The following MACROD2 variants were observed in gnomAD, a reference collection of about 807,000 sequenced individuals.
MACROD2 encodes ADP-ribose glycohydrolase MACROD2.
Under a neutral mutation model 70.4 loss-of-function variants are expected in MACROD2, and 36 were observed. The ratio of observed to expected loss-of-function variants is 0.51; its 90% confidence interval spans 0.39 to 0.68. The LOEUF (loss-of-function observed/expected upper bound fraction) is 0.68, where lower values mean the gene tolerates loss of function less well. Among genes scored for constraint, MACROD2 ranks in the 30% least tolerant of loss-of-function variants. MACROD2 has a pLI of 0.00. For missense variants in MACROD2, 496 were observed against 538.4 expected, an observed-to-expected ratio of 0.92 and a Z score of 0.78; for synonymous variants, 172 against 178.8, an observed-to-expected ratio of 0.96 and a Z score of 0.30.
intron 3 of MACROD2, among the ~76,000 whole-genome samples, chr20:14,466,065 A>T (rs1383137479): frequency 3.3e-5 from 5 of 151,958 alleles, no homozygotes; most frequent in Non-Finnish European, 5.9e-5. Context: ...TATTTCCTGA[A>T]TTTGAATGTT....
intron 6 of MACROD2, among the ~76,000 whole-genome samples, chr20:15,260,946 G>C (rs2077244194): frequency 6.6e-6 from 1 of 151,930 alleles, no homozygotes; most frequent in Non-Finnish European, 1.5e-5. Flanking sequence ...TTTGCCAGTA[G>C]GTAATAAACT....
intron 6 of MACROD2, among the ~76,000 whole-genome samples, chr20:15,417,852 A>G (rs1177230139): frequency 6.6e-6 from 1 of 152,142 alleles, no homozygotes; most frequent in Non-Finnish European, 1.5e-5. Flanking sequence ...ACTAATCTTC[A>G]GTTTGAAGAC....
chr20:14,532,494 A>AT (rs1296022969), intron 4 of MACROD2, among the ~76,000 whole-genome samples: 17 of 151,876 alleles, frequency 1.1e-4, no homozygotes, highest in Non-Finnish European at 5.9e-5. Flanking sequence ...AAGTGCTGGG[A>AT]TTACAGGCTT....
intron 2 of MACROD2, among the ~76,000 whole-genome samples, chr20:14,075,591 C>T (rs2053907192): frequency 6.6e-6 from 1 of 152,164 alleles, no homozygotes; most frequent in Non-Finnish European, 1.5e-5. Context: ...TGCTTCTGCT[C>T]CTCCTTCTCC....
At chr20:15,634,074 TC>T (rs2049330455) in intron 8 of MACROD2, among the ~76,000 whole-genome samples, 1 of 152,204 alleles carries the variant, frequency 6.6e-6, no homozygotes, top group Admixed American at 6.5e-5. Flanking sequence ...CTATCATTAG[TC>T]AATTGTTTTT....
chr20:14,181,068 ATT>A (rs59164079), intron 3 of MACROD2, among the ~76,000 whole-genome samples: 20 of 136,562 alleles, frequency 1.5e-4, no homozygotes, highest in Admixed American at 3.0e-4. Flanking sequence ...CTGTCATTAC[ATT>A]TTTTTTTTTT....
intron 3 of MACROD2, chr20:14,127,771 G>T: frequency 2.3e-6 from 1 of 442,386 alleles, no homozygotes. Flanking sequence ...GGAGGAGCAG[G>T]AGAAGAAGAG....
intron 5 of MACROD2, among the ~76,000 whole-genome samples, chr20:15,054,688 A>G (rs1409728458): frequency 6.6e-6 from 1 of 152,186 alleles, no homozygotes; most frequent in African/African-American, 2.4e-5. Flanking sequence ...TTAGGTGCTC[A>G]GTAACAGCAC....
At chr20:14,378,076 T>A (rs959095296) in intron 3 of MACROD2, among the ~76,000 whole-genome samples, 2 of 152,222 alleles carry the variant, frequency 1.3e-5, no homozygotes, top group African/African-American at 4.8e-5. Flanking sequence ...TGCATCAGAA[T>A]TACCTGGAGA....
At chr20:15,899,105 A>G (rs2065022997) in intron 10 of MACROD2, among the ~76,000 whole-genome samples, 1 of 151,548 alleles carries the variant, frequency 6.6e-6, no homozygotes, top group South Asian at 2.1e-4. Context: ...TGCTATCTAT[A>G]TGTATGTATA....
chr20:14,267,766 A>G (rs2082155805), intron 3 of MACROD2, among the ~76,000 whole-genome samples: 1 of 152,098 alleles, frequency 6.6e-6, no homozygotes, highest in South Asian at 2.1e-4. Flanking sequence ...TAAGCCTCTA[A>G]TCTGTTGATT....
chr20:15,760,557 CT>C lies in MACROD2; in HGVS notation c.646-102186del, dbSNP rs544444634. Among the ~76,000 whole-genome samples, 798 of 152,276 alleles carry C rather than the reference CT, an allele frequency of 5.2e-3. 6 individuals are homozygous for C. The highest frequency in any genetic ancestry group is 0.02 in the Middle Eastern group (6 of 294). ...CACTGCACGGCAACCCCACGCATTC[CT>C]TCCTTGCTTCCCACTGCGGAATAGG... On this transcript the variant is annotated intron_variant, in intron 8 of 17. Transcript: ENST00000684519.
At chr20:15,237,104 C>A (rs2077020207) in intron 6 of MACROD2, among the ~76,000 whole-genome samples, 1 of 152,134 alleles carries the variant, frequency 6.6e-6, no homozygotes, top group African/African-American at 2.4e-5. Context: ...GTCCCTCCTC[C>A]CACACAATGT....
intron 3 of MACROD2, among the ~76,000 whole-genome samples, chr20:14,422,455 G>C (rs1049921276): frequency 1.3e-5 from 2 of 151,752 alleles, no homozygotes; most frequent in Non-Finnish European, 2.9e-5. Context: ...TTTGTTATTT[G>C]TTTTCTTATA....
intron 5 of MACROD2, among the ~76,000 whole-genome samples, chr20:14,946,893 G>A (rs1395807540): frequency 6.6e-6 from 1 of 152,178 alleles, no homozygotes; most frequent in Non-Finnish European, 1.5e-5. Context: ...GCTGATGAAA[G>A]TATGGACAAT....
At chr20:15,688,959 C>T (rs185766677) in intron 8 of MACROD2, among the ~76,000 whole-genome samples, 196 of 152,326 alleles carry the variant, frequency 1.3e-3, no homozygotes, top group African/African-American at 4.5e-3. Context: ...ATTTATTGCT[C>T]ACTTAACATG....
At chr20:14,981,430 A>ATG (rs1568910706) in intron 5 of MACROD2, among the ~76,000 whole-genome samples, 40 of 93,008 alleles carry the variant, frequency 4.3e-4, no homozygotes, top group East Asian at 3.0e-3. Context: ...ATATATGTAT[A>ATG]TGTATATATA....
intron 8 of MACROD2, among the ~76,000 whole-genome samples, chr20:15,612,204 T>C (rs773034984): frequency 2.5e-4 from 38 of 152,182 alleles, no homozygotes; most frequent in South Asian, 4.1e-4. Context: ...CCAATACAGC[T>C]ATAGCATGAG....
intron 5 of MACROD2, among the ~76,000 whole-genome samples, chr20:15,109,069 C>T (rs767271744): frequency 2.6e-5 from 4 of 152,184 alleles, no homozygotes; most frequent in Non-Finnish European, 5.9e-5. Flanking sequence ...TTCAGCCACA[C>T]CCATTCACTT....
Sources: gnomAD v4.1 joint callset for allele counts (sites outside exome capture counted in the v4.1 genomes callset) on GRCh38, gnomAD v4.1.1 for gene constraint, MANE v1.5 for transcripts, NCBI Gene and HGNC (gene_info 2026-07-23, HGNC 2026-07-21) for gene names.